FAM107A: variants seen among roughly 807,000 people sequenced by gnomAD.
The protein encoded by FAM107A is family with sequence similarity 107 member A, also known as actin-associated protein FAM107A.
A neutral mutation model predicts 13.7 loss-of-function variants in FAM107A; 19 were observed. The observed-to-expected ratio is 1.38, with a 90% CI of 0.97 to 2.03. The LOEUF is 2.03. Ranked by LOEUF, FAM107A falls within the 30% of genes most tolerant of loss-of-function variation. The pLI is 0.00. For synonymous variants in FAM107A, 82 were observed against 74.5 expected (o/e 1.10, Z -0.52); for missense variants, 203 against 184.4 (o/e 1.10, Z -0.58).
intron 1 of FAM107A, among the ~76,000 whole-genome samples, chr3:58,620,115 T>C (rs1218718832): frequency 2.0e-5 from 3 of 152,186 alleles, no homozygotes; most frequent in African/African-American, 7.2e-5. Flanking sequence ...ACCTTCTATG[T>C]CACAATGGTA....
Position 58,566,371 on chromosome 3 carries a change from G to T in FAM107A, c.*217C>A. On this transcript the variant is annotated 3_prime_UTR_variant, in exon 4 of 4. Transcript: ENST00000360997. ...GGAGGGGTGCAGGTTATCCCTCTTG[G>T]AGCAGGAGGGCTGGGTGCTTGGAAG... 1 of 554,882 alleles carries T rather than the reference G, an allele frequency of 1.8e-6. No individual in the cohort carries two copies. Among genetic ancestry groups the T allele is most frequent in the South Asian group, 2.6e-5 (1 of 37,976 alleles). 34.4% of individuals were successfully genotyped at this position (554,882 alleles called of 1,614,324 possible). A position where few individuals can be genotyped will look rare whatever the true frequency, so the allele number is the denominator to read the frequency against.
At chr3:58,595,587 C>G (rs1383728036) in intron 1 of FAM107A, among the ~76,000 whole-genome samples, 2 of 152,142 alleles carry the variant, frequency 1.3e-5, no homozygotes, top group Non-Finnish European at 2.9e-5. Flanking sequence ...GCTCCTAACT[C>G]CACCGCCTAT....
chr3:58,597,066 G>A (rs970141106), intron 1 of FAM107A, among the ~76,000 whole-genome samples: 1 of 152,170 alleles, frequency 6.6e-6, no homozygotes, highest in Admixed American at 6.5e-5. Context: ...TCCATTTGGT[G>A]GCTATGTCAC....
intron 1 of FAM107A, among the ~76,000 whole-genome samples, chr3:58,626,199 GCC>G (rs1206351293): frequency 7.9e-6 from 1 of 126,738 alleles, no homozygotes. Context: ...GTAAATGCAG[GCC>G]CCTCTTTGCC....
At chr3:58,571,486 A>C (rs182135791) in intron 1 of FAM107A, among the ~76,000 whole-genome samples, 1 of 151,900 alleles carries the variant, frequency 6.6e-6, no homozygotes, top group Admixed American at 6.6e-5. Flanking sequence ...GTTTGCTTTC[A>C]GGTTATATCC....
chr3:58,584,922 A>G (rs769733904), intron 1 of FAM107A, among the ~76,000 whole-genome samples: 4 of 152,118 alleles, frequency 2.6e-5, no homozygotes, highest in Non-Finnish European at 2.9e-5. Flanking sequence ...TTTTCAATAC[A>G]TCTTTGCTTT....
intron 1 of FAM107A, among the ~76,000 whole-genome samples, chr3:58,583,586 C>G (rs991006234): frequency 6.6e-6 from 1 of 151,308 alleles, no homozygotes; most frequent in Non-Finnish European, 1.5e-5. Flanking sequence ...CCCGCCATTG[C>G]ACTCCACCCT....
exon 1 of FAM107A, chr3:58,586,977 C>G (rs1441380574): frequency 1.3e-6 from 2 of 1,495,214 alleles, no homozygotes; most frequent in Non-Finnish European, 1.8e-6. Context: ...CTGCTGGCCC[C>G]GCGAGCGCAC....
At chr3:58,588,976 A>G (rs550434700), upstream of FAM107A, among the ~76,000 whole-genome samples, 18 of 152,286 alleles carry the variant, frequency 1.2e-4, no homozygotes, top group Admixed American at 5.2e-4. Flanking sequence ...CCCCTTTTAC[A>G]GTTGAGGAAA....
upstream of FAM107A, among the ~76,000 whole-genome samples, chr3:58,580,882 A>T (rs1374098375): frequency 6.6e-6 from 1 of 152,228 alleles, no homozygotes; most frequent in African/African-American, 2.4e-5. Context: ...TGTTATCAGA[A>T]AAAGACTCTA....
intron 1 of FAM107A, among the ~76,000 whole-genome samples, chr3:58,583,712 GCT>G (rs891206790): frequency 2.0e-5 from 3 of 150,776 alleles, no homozygotes; most frequent in African/African-American, 4.9e-5. Flanking sequence ...ACACGGTCTT[GCT>G]CTGTTGCTCA....
intron 1 of FAM107A, among the ~76,000 whole-genome samples, chr3:58,594,818 T>C (rs1016578136): frequency 2.6e-5 from 4 of 152,202 alleles, no homozygotes; most frequent in African/African-American, 9.7e-5. Flanking sequence ...TGGCTTGATA[T>C]ATGACAACAC....
chr3:58,624,692 C>A (rs2065994607), intron 1 of FAM107A, among the ~76,000 whole-genome samples: 2 of 152,004 alleles, frequency 1.3e-5, no homozygotes, highest in Admixed American at 1.3e-4. Flanking sequence ...ATGCCCCTGA[C>A]ATTCCCCAGG....
rs772665500 is a variant in FAM107A, at chr3:58,566,492, G to A, written c.*96C>T. On this transcript the variant is annotated 3_prime_UTR_variant, in exon 4 of 4. Transcript: ENST00000360997. ...AGAAGCAGGTGGGAACATCACAGAC[G>A]TCCCAGGGCCTGGGGCCCAGGGCTG... 45 of 832,842 alleles carry A rather than the reference G, an allele frequency of 5.4e-5. No homozygotes were observed. The highest frequency in any genetic ancestry group is 8.2e-5 in the Non-Finnish European group (41 of 501,222). The allele number at this position is 832,842 out of a possible 1,614,324, so 51.6% of individuals were successfully genotyped here.
At chr3:58,568,400 A>C (rs1379343151) in intron 2 of FAM107A, among the ~76,000 whole-genome samples, 1 of 151,812 alleles carries the variant, frequency 6.6e-6, no homozygotes, top group Non-Finnish European at 1.5e-5. Context: ...GCGCCACTGC[A>C]CTCCAGCCTG....
chr3:58,570,737 CT>C (rs1341207018), intron 1 of FAM107A, among the ~76,000 whole-genome samples: 3 of 152,206 alleles, frequency 2.0e-5, no homozygotes, highest in Non-Finnish European at 2.9e-5. Context: ...TTTAGCTCTG[CT>C]CTCTTCATGA....
chr3:58,616,631 C>T (rs989558812), intron 1 of FAM107A, among the ~76,000 whole-genome samples: 4 of 151,808 alleles, frequency 2.6e-5, no homozygotes, highest in East Asian at 1.9e-4. Flanking sequence ...CAGAACACCA[C>T]GGATTGCAGG....
At chr3:58,627,382 G>A (rs116247539) in intron 1 of FAM107A, 263 of 216,574 alleles carry the variant, frequency 1.2e-3, no homozygotes, top group African/African-American at 5.8e-3. Context: ...GGTGACCTCT[G>A]CCTGGCCCAG....
At chr3:58,616,091 G>C (rs182192987) in intron 1 of FAM107A, among the ~76,000 whole-genome samples, 2 of 152,152 alleles carry the variant, frequency 1.3e-5, no homozygotes, top group Admixed American at 6.5e-5. Context: ...CCCAGAGCAC[G>C]ATCAGCCAGG....
Sources: allele counts gnomAD v4.1 joint callset (sites outside exome capture counted in the v4.1 genomes callset), GRCh38; gene constraint gnomAD v4.1.1; transcripts MANE v1.5; gene names NCBI Gene and HGNC (gene_info 2026-07-23, HGNC 2026-07-21).